The following MAGI2 variants were observed in gnomAD, a reference collection of about 807,000 sequenced individuals.
MAGI2 encodes membrane-associated guanylate kinase, WW and PDZ domain-containing protein 2.
MAGI2 carries 35 observed loss-of-function variants against 133.3 expected under a neutral mutation model. That is an observed-to-expected ratio of 0.26 (90% CI 0.20 to 0.35). The LOEUF is 0.35. MAGI2 is among the 10% of genes least tolerant of loss of function. The pLI is 1.00. For synonymous variants in MAGI2, 729 were observed against 710.6 expected (o/e 1.03, Z -0.41); for missense variants, 1,636 against 1,863.4 (o/e 0.88, Z 2.25).
intron 3 of MAGI2, among the ~76,000 whole-genome samples, chr7:78,619,972 A>C (rs543554056): frequency 1.8e-4 from 27 of 152,060 alleles, no homozygotes; most frequent in African/African-American, 6.5e-4. Context: ...CAAAAATGCT[A>C]TAACCTGGAT....
intron 10 of MAGI2, among the ~76,000 whole-genome samples, chr7:78,214,027 T>G (rs1788027460): frequency 6.6e-6 from 1 of 152,214 alleles, no homozygotes; most frequent in African/African-American, 2.4e-5. Context: ...ACGTGAGACC[T>G]ACTGCTCCAT....
intron 1 of MAGI2, among the ~76,000 whole-genome samples, chr7:79,199,620 C>T (rs1355918371): frequency 6.6e-6 from 1 of 151,900 alleles, no homozygotes; most frequent in Non-Finnish European, 1.5e-5. Context: ...AAAGTAAATC[C>T]TTTATAAATT....
At chr7:78,298,452 G>GTGT (rs768067451) in intron 9 of MAGI2, among the ~76,000 whole-genome samples, 8 of 152,164 alleles carry the variant, frequency 5.3e-5, no homozygotes, top group Admixed American at 5.2e-4. Flanking sequence ...GAGAAATTGG[G>GTGT]TGTTGGGTAT....
intron 3 of MAGI2, among the ~76,000 whole-genome samples, chr7:78,587,623 A>G (rs748658011): frequency 6.6e-6 from 1 of 152,226 alleles, no homozygotes; most frequent in Non-Finnish European, 1.5e-5. Flanking sequence ...CTGAGGTGGG[A>G]CAACCCAACC....
At chr7:78,320,045 G>C (rs890047731) in intron 9 of MAGI2, among the ~76,000 whole-genome samples, 3 of 152,100 alleles carry the variant, frequency 2.0e-5, no homozygotes, top group African/African-American at 7.2e-5. Flanking sequence ...TAAATTCCTG[G>C]ACACATGCAC....
intron 2 of MAGI2, among the ~76,000 whole-genome samples, chr7:78,874,770 G>C (rs770120172): frequency 4.9e-4 from 74 of 152,234 alleles, no homozygotes; most frequent in Non-Finnish European, 9.7e-4. Context: ...GTTTAAAATA[G>C]CTAGAAGATC....
At chr7:78,683,865 A>T (rs1815972040) in intron 2 of MAGI2, among the ~76,000 whole-genome samples, 1 of 152,206 alleles carries the variant, frequency 6.6e-6, no homozygotes, top group African/African-American at 2.4e-5. Context: ...TTGAAAAGTA[A>T]CAAACAGCTG....
intron 21 of MAGI2, among the ~76,000 whole-genome samples, chr7:78,038,690 C>T (rs930618909): frequency 4.6e-5 from 7 of 152,148 alleles, no homozygotes; most frequent in African/African-American, 1.4e-4. Flanking sequence ...CCTGTGAGTT[C>T]ACTTTGTAAA....
At chr7:78,421,006 C>T (rs1388286013) in intron 6 of MAGI2, among the ~76,000 whole-genome samples, 1 of 152,154 alleles carries the variant, frequency 6.6e-6, no homozygotes, top group South Asian at 2.1e-4. Flanking sequence ...ACAAATTGGA[C>T]ATAAATAAAT....
intron 2 of MAGI2, among the ~76,000 whole-genome samples, chr7:78,810,407 C>T: frequency 6.6e-6 from 1 of 152,016 alleles, no homozygotes; most frequent in Non-Finnish European, 1.5e-5. Flanking sequence ...AATTCACTTG[C>T]CAAAGTATAA....
intron 1 of MAGI2, among the ~76,000 whole-genome samples, chr7:79,215,671 C>T (rs893205773): frequency 2.6e-5 from 4 of 151,860 alleles, no homozygotes; most frequent in African/African-American, 9.7e-5. Context: ...TGAGTTGTCC[C>T]CTATTTCTGG....
At chr7:78,166,947 A>G (rs1349557493) in intron 15 of MAGI2, among the ~76,000 whole-genome samples, 1 of 152,164 alleles carries the variant, frequency 6.6e-6, no homozygotes, top group African/African-American at 2.4e-5. Context: ...GCAAGCTACC[A>G]AACCTCTGGG....
intron 2 of MAGI2, among the ~76,000 whole-genome samples, chr7:78,907,803 A>G (rs17151649): frequency 0.06 from 9,175 of 152,228 alleles, 336 homozygotes; most frequent in Middle Eastern, 0.095. Flanking sequence ...ATAAGCCAAA[A>G]TGTTTCAGAA....
chr7:78,427,501 T>C (rs76275945), intron 6 of MAGI2, among the ~76,000 whole-genome samples: 1 of 152,144 alleles, frequency 6.6e-6, no homozygotes, highest in Non-Finnish European at 1.5e-5. Context: ...TATTTCATGA[T>C]GATGAAAAGC....
rs754138013 is a variant in MAGI2, at chr7:78,521,522, A to T, written c.662T>A (p.Val221Glu). 6.2e-7 allele frequency: 1 copy of T among 1,614,034 alleles called. No individual in the cohort carries two copies. Among genetic ancestry groups the T allele is most frequent in the Non-Finnish European group, 8.5e-7 (1 of 1,180,014 alleles). ...AEGKRKRNKS[V>E]SNMEKASIEP... ...TATACTGGCTTTCTCCATGTTGCTCACTGATTTATTCCTCTTCCGTTTTCC... is the reference window on the plus strand; with the variant it reads ...TATACTGGCTTTCTCCATGTTGCTCTCTGATTTATTCCTCTTCCGTTTTCC... The change falls in exon 4 of 22, where the codon GTG (valine) becomes GAG (glutamate). Residue 221 changes from valine (V) to glutamate (E), a missense_variant. Coordinates refer to ENST00000354212, the MANE Select transcript of MAGI2 (RefSeq NM_012301.4).
intron 20 of MAGI2, among the ~76,000 whole-genome samples, chr7:78,104,322 G>A (rs184835601): frequency 0.039 from 5,919 of 151,798 alleles, 129 homozygotes; most frequent in East Asian, 0.064. Context: ...TCCTGGGTTC[G>A]CGCCATTCTC....
Position 79,159,574 on chromosome 7 carries a change from C to A in MAGI2, c.302-152368G>T, listed in dbSNP as rs760346116. On this transcript the variant is annotated intron_variant, in intron 1 of 21. Coordinates refer to ENST00000354212, the MANE Select transcript of MAGI2 (RefSeq NM_012301.4). ...TATAATAGCCTTTATACAGATGGGT[C>A]TTTTATATTAAAAATACACACTAAT... Among the ~76,000 whole-genome samples the A allele has an allele frequency of 1.7e-4, 25 of 150,374 alleles. 1 individual carries two copies. Among genetic ancestry groups the A allele is most frequent in the Non-Finnish European group, 7.4e-5 (5 of 67,680 alleles).
intron 3 of MAGI2, among the ~76,000 whole-genome samples, chr7:78,543,658 C>T (rs1272535949): frequency 3.3e-5 from 5 of 152,140 alleles, no homozygotes; most frequent in Non-Finnish European, 7.4e-5. Context: ...ATTTCCTTCC[C>T]GTTACTTCAT....
intron 1 of MAGI2, among the ~76,000 whole-genome samples, chr7:79,186,957 A>G (rs1447217998): frequency 6.6e-6 from 1 of 151,048 alleles, no homozygotes; most frequent in African/African-American, 2.4e-5. Context: ...CTCAGACTAT[A>G]TTTGCTTTAA....
Sources: allele counts gnomAD v4.1 joint callset (sites outside exome capture counted in the v4.1 genomes callset), GRCh38; gene constraint gnomAD v4.1.1; transcripts MANE v1.5; gene names NCBI Gene and HGNC (gene_info 2026-07-23, HGNC 2026-07-21).